Variants in PTPRD observed in about 807,000 individuals in gnomAD.
The protein encoded by PTPRD is receptor-type tyrosine-protein phosphatase delta.
A neutral mutation model predicts 214.5 loss-of-function variants in PTPRD; 34 were observed. The observed-to-expected ratio is 0.16, with a 90% CI of 0.12 to 0.21. The LOEUF is 0.21. PTPRD is among the 10% of genes least tolerant of loss of function. PTPRD has a pLI of 1.00. For missense variants in PTPRD, 2,545 were observed against 2,398.7 expected (o/e 1.06, Z -1.27); for synonymous variants, 1,128 against 845.7 (o/e 1.33, Z -5.79).
In PTPRD at chr9:9,469,310, C is replaced by T. The variant is rs534976227; in HGVS notation, c.-236-71828G>A. ...TGACTTGCATTATCTTTGGATAGTTCTCATTTAGAAATAATCTGAAACTGT... is the reference window on the plus strand; with the variant it reads ...TGACTTGCATTATCTTTGGATAGTTTTCATTTAGAAATAATCTGAAACTGT... On this transcript the variant is annotated intron_variant, in intron 8 of 45. Transcript: ENST00000381196. Among the ~76,000 whole-genome samples, 5 of 152,042 alleles carry T rather than the reference C, an allele frequency of 3.3e-5. No homozygotes were observed. The East Asian group carries it at 7.7e-4, about 24-fold the overall frequency.
chr9:8,898,238 T>A (rs1207899781), intron 11 of PTPRD, among the ~76,000 whole-genome samples: 3 of 150,924 alleles, frequency 2.0e-5, no homozygotes, highest in Non-Finnish European at 4.4e-5. Flanking sequence ...AGTGGCATTA[T>A]CAACTCTGAG....
intron 14 of PTPRD, among the ~76,000 whole-genome samples, chr9:8,607,129 A>G (rs2095256190): frequency 1.3e-5 from 2 of 152,200 alleles, no homozygotes; most frequent in East Asian, 1.9e-4. Context: ...CATGGTGAGT[A>G]TAGTTAATAT....
intron 10 of PTPRD, among the ~76,000 whole-genome samples, chr9:9,176,153 A>C (rs1376540287): frequency 6.6e-6 from 1 of 152,174 alleles, no homozygotes; most frequent in Non-Finnish European, 1.5e-5. Flanking sequence ...AGATAAACTT[A>C]AGGGCTTGAT....
chr9:8,602,036 C>T (rs1001841382), intron 14 of PTPRD, among the ~76,000 whole-genome samples: 1 of 151,980 alleles, frequency 6.6e-6, no homozygotes, highest in Non-Finnish European at 1.5e-5. Flanking sequence ...TCCATCTCTA[C>T]ACTCAGTCAC....
chr9:8,839,070 C>G (rs2255109), intron 11 of PTPRD, among the ~76,000 whole-genome samples: 133,355 of 152,108 alleles, frequency 0.88, 58,522 homozygotes, highest in Middle Eastern at 0.93. Flanking sequence ...AATATGACTA[C>G]AGTCAATATG....
intron 4 of PTPRD, among the ~76,000 whole-genome samples, chr9:9,967,033 G>C (rs1014862722): frequency 3.3e-5 from 5 of 152,086 alleles, no homozygotes; most frequent in African/African-American, 9.7e-5. Flanking sequence ...GCAATGACAG[G>C]ATCTGACCTT....
intron 7 of PTPRD, among the ~76,000 whole-genome samples, chr9:9,664,435 T>G (rs1011865395): frequency 1.3e-5 from 2 of 151,668 alleles, no homozygotes; most frequent in Non-Finnish European, 3.0e-5. Flanking sequence ...TAGAATTCAA[T>G]GGTCGTAAGA....
chr9:9,526,393 G>C (rs1032694077), intron 8 of PTPRD, among the ~76,000 whole-genome samples: 1 of 152,040 alleles, frequency 6.6e-6, no homozygotes, highest in African/African-American at 2.4e-5. Context: ...CGTATATTAA[G>C]GCCAAAGTGC....
chr9:10,542,958 T>A (rs1276549771), intron 2 of PTPRD, among the ~76,000 whole-genome samples: 1 of 152,118 alleles, frequency 6.6e-6, no homozygotes, highest in Non-Finnish European at 1.5e-5. Context: ...TCCATGTTGG[T>A]CGCACTGGTC....
At chr9:9,072,280 T>TACACACAC (rs201508445) in intron 10 of PTPRD, among the ~76,000 whole-genome samples, 6,726 of 135,630 alleles carry the variant, frequency 0.05, 201 homozygotes, top group Middle Eastern at 0.078. Context: ...GCTGGCAACT[T>TACACACAC]ACACACACAC....
chr9:9,363,931 G>T (rs945085277), intron 9 of PTPRD, among the ~76,000 whole-genome samples: 1 of 151,274 alleles, frequency 6.6e-6, no homozygotes, highest in Non-Finnish European at 1.5e-5. Context: ...ATAAAAAAGT[G>T]TTCATCCTTT....
intron 9 of PTPRD, among the ~76,000 whole-genome samples, chr9:9,358,706 G>C (rs1014887824): frequency 6.6e-6 from 1 of 151,300 alleles, no homozygotes; most frequent in Non-Finnish European, 1.5e-5. Flanking sequence ...GAGAATGGTA[G>C]AACTAAAAAG....
intron 34 of PTPRD, chr9:8,437,188 G>A: frequency 6.6e-7 from 1 of 1,521,182 alleles, no homozygotes. Flanking sequence ...CATAATCAAG[G>A]AAAACTAACT....
chr9:10,436,514 A>G (rs1346916978), intron 2 of PTPRD, among the ~76,000 whole-genome samples: 1 of 151,800 alleles, frequency 6.6e-6, no homozygotes, highest in African/African-American at 2.4e-5. Flanking sequence ...TTAGTCTCCA[A>G]CACATTTTGT....
At chr9:9,305,829 A>C (rs1327206490) in intron 9 of PTPRD, among the ~76,000 whole-genome samples, 2 of 152,158 alleles carry the variant, frequency 1.3e-5, no homozygotes, top group Non-Finnish European at 2.9e-5. Flanking sequence ...TCAGAGATTA[A>C]AGTGAGGCAG....
intron 2 of PTPRD, among the ~76,000 whole-genome samples, chr9:10,566,618 T>C (rs751949452): frequency 6.6e-6 from 1 of 152,022 alleles, no homozygotes; most frequent in East Asian, 1.9e-4. Context: ...TGGAAATATG[T>C]TTTCTCATTC....
intron 11 of PTPRD, among the ~76,000 whole-genome samples, chr9:8,978,661 C>T (rs961619622): frequency 1.3e-5 from 2 of 152,122 alleles, no homozygotes; most frequent in Non-Finnish European, 2.9e-5. Context: ...CACTTCTCCA[C>T]CTTGGCTTGT....
rs1325315663 is a variant in PTPRD at position 10,071,361 on chromosome 9, T to C, written c.-544-37571A>G. 2.0e-5 allele frequency among the ~76,000 whole-genome samples: 3 copies of C among 152,098 alleles called. No homozygotes were observed. In the East Asian group the frequency reaches 5.8e-4, roughly 29 times the overall value. Reference sequence around the variant, plus strand: ...AACAAAGTTATATGACTCACTCTACTTGATTTCAAGACTTACCGTAGAGCT... The same window carrying C: ...AACAAAGTTATATGACTCACTCTACCTGATTTCAAGACTTACCGTAGAGCT... On this transcript the variant is annotated intron_variant, in intron 3 of 45. Coordinates refer to ENST00000381196, the MANE Select transcript of PTPRD (RefSeq NM_002839.4).
At position 10,090,638 on chromosome 9, in the gene PTPRD, C is replaced by A. The variant is rs541198071; in HGVS notation, c.-544-56848G>T. On this transcript the variant is annotated intron_variant, in intron 3 of 45. Coordinates refer to ENST00000381196, the MANE Select transcript of PTPRD (RefSeq NM_002839.4). ...ATTAAAGTATACATAAATAAAAAAA[C>A]CACCAACTAAGAACCAGAATAAATA... 3.4e-3 allele frequency among the ~76,000 whole-genome samples: 505 copies of A among 148,260 alleles called. 3 individuals are homozygous for A. The highest frequency in any genetic ancestry group is 1.0e-2 in the African/African-American group (401 of 40,196).
Sources: gnomAD v4.1 joint callset for allele counts (sites outside exome capture counted in the v4.1 genomes callset) on GRCh38, gnomAD v4.1.1 for gene constraint, MANE v1.5 for transcripts, NCBI Gene and HGNC (gene_info 2026-07-23, HGNC 2026-07-21) for gene names.